ST3GAL3: variants seen among roughly 807,000 people sequenced by gnomAD.
The protein encoded by ST3GAL3 is CMP-N-acetylneuraminate-beta-1,4-galactoside alpha-2,3-sialyltransferase.
ST3GAL3 carries 21 observed loss-of-function variants against 50.1 expected under a neutral mutation model. The observed-to-expected ratio is 0.42, with a 90% CI of 0.30 to 0.60. ST3GAL3 has a LOEUF of 0.60. Among genes scored for constraint, ST3GAL3 ranks in the 20% least tolerant of loss-of-function variants. The pLI, the probability that ST3GAL3 is intolerant of heterozygous loss-of-function variation, is 0.19. For missense variants in ST3GAL3, 353 were observed against 489.4 expected, an observed-to-expected ratio of 0.72 and a Z score of 2.63; for synonymous variants, 183 against 190.0, an observed-to-expected ratio of 0.96 and a Z score of 0.30.
At chr1:43,764,545 GA>G (rs1395797056) in intron 2 of ST3GAL3, among the ~76,000 whole-genome samples, 1 of 152,162 alleles carries the variant, frequency 6.6e-6, no homozygotes, top group Non-Finnish European at 1.5e-5. Context: ...GGAAGGAAAA[GA>G]AAGGAAATGA....
chr1:43,909,104 A>G (rs1263347629), intron 9 of ST3GAL3, among the ~76,000 whole-genome samples: 1 of 152,184 alleles, frequency 6.6e-6, no homozygotes, highest in Non-Finnish European at 1.5e-5. Context: ...CTGTAAGCCC[A>G]TCACCTCCAG....
At chr1:43,890,497 G>A (rs1372878666) in intron 5 of ST3GAL3, among the ~76,000 whole-genome samples, 2 of 152,188 alleles carry the variant, frequency 1.3e-5, no homozygotes, top group Non-Finnish European at 2.9e-5. Flanking sequence ...AGGAGAGCTG[G>A]CTGAATCATT....
intron 3 of ST3GAL3, among the ~76,000 whole-genome samples, chr1:43,809,992 CAA>C (rs111982954): frequency 8.4e-4 from 66 of 78,406 alleles, no homozygotes; most frequent in Middle Eastern, 6.5e-3. Context: ...GACCCTGTCT[CAA>C]AAAAAAAAAA....
At chr1:43,812,336 A>G (rs991998227) in intron 3 of ST3GAL3, among the ~76,000 whole-genome samples, 1 of 152,198 alleles carries the variant, frequency 6.6e-6, no homozygotes, top group Non-Finnish European at 1.5e-5. Flanking sequence ...TCAGCAGGGC[A>G]CACACTCTCC....
At chr1:43,824,618 G>T (rs2062541226) in intron 4 of ST3GAL3, 3 of 1,307,888 alleles carry the variant, frequency 2.3e-6, no homozygotes, top group Non-Finnish European at 3.3e-6. Context: ...ATTTGGCTAG[G>T]TTCTTTGCTT....
chr1:43,791,552 A>C (rs1181244988), intron 2 of ST3GAL3, among the ~76,000 whole-genome samples: 1 of 152,124 alleles, frequency 6.6e-6, no homozygotes, highest in East Asian at 1.9e-4. Context: ...GTAGGTACTC[A>C]TGGCATGCAT....
intron 4 of ST3GAL3, among the ~76,000 whole-genome samples, chr1:43,826,239 C>G (rs1056535880): frequency 2.6e-5 from 4 of 152,124 alleles, no homozygotes; most frequent in African/African-American, 9.7e-5. Context: ...GCCTGGGCGA[C>G]AGAGTGAGAC....
At chr1:43,851,417 G>T (rs2067282666) in intron 5 of ST3GAL3, 2 of 1,611,352 alleles carry the variant, frequency 1.2e-6, no homozygotes, top group South Asian at 2.2e-5. Flanking sequence ...AGCACTGTGG[G>T]TCCAGCTTAT....
rs1558786290 is a variant in ST3GAL3 at position 43,899,427 on chromosome 1, G to C, written c.558-114G>C. On this transcript the variant is annotated intron_variant, in intron 8 of 11. Transcript: ENST00000347631. The surrounding 1 kb of genome is among the most constrained non-coding windows in gnomAD (Gnocchi z 5.4). ...AACAGACAACTAGCGGGGGCACCTG[G>C]GGAGAATAGGTCCAGGTGACCTGGA... is the stretch of plus-strand genomic sequence containing the variant. 1 of 1,573,458 alleles carries C rather than the reference G, an allele frequency of 6.4e-7. No individual in the cohort carries two copies. The highest frequency in any genetic ancestry group is 2.3e-5 in the East Asian group (1 of 43,626).
intron 2 of ST3GAL3, among the ~76,000 whole-genome samples, chr1:43,779,939 C>T (rs1043485723): frequency 6.6e-6 from 1 of 152,116 alleles, no homozygotes; most frequent in Non-Finnish European, 1.5e-5. Context: ...TCTTGAAGAA[C>T]TCTCTTTGGG....
intron 2 of ST3GAL3, among the ~76,000 whole-genome samples, chr1:43,778,648 T>C (rs1016911190): frequency 1.5e-4 from 21 of 141,266 alleles, no homozygotes; most frequent in African/African-American, 4.4e-4. Context: ...TTTTTTCTTT[T>C]TTTTTTTTTT....
chr1:43,857,590 T>C lies in ST3GAL3; in HGVS notation c.302+19279T>C, dbSNP rs563051894. On this transcript the variant is annotated intron_variant, in intron 5 of 11. Coordinates refer to ENST00000347631, the MANE Select transcript of ST3GAL3 (RefSeq NM_006279.5). ...TTCTTTCTTTCCTTCCTCCCTCCCT[T>C]CCTTCCTTCCTTCCTTCCTTCCTTC... Among the ~76,000 whole-genome samples the C allele has an allele frequency of 1.7e-4, 19 of 113,828 alleles. No individual in the cohort carries two copies. In the South Asian group the frequency reaches 2.7e-3, roughly 16 times the overall value. The allele number at this position is 113,828 out of a possible 152,430, so 74.7% of individuals were successfully genotyped here.
At chr1:43,895,264 G>A (rs1382589910) in intron 6 of ST3GAL3, among the ~76,000 whole-genome samples, 1 of 152,022 alleles carries the variant, frequency 6.6e-6, no homozygotes, top group Non-Finnish European at 1.5e-5. Context: ...CCTGTCCAAG[G>A]CTAACCTTTC....
chr1:43,853,779 G>A (rs1481064614), intron 5 of ST3GAL3, among the ~76,000 whole-genome samples: 2 of 152,228 alleles, frequency 1.3e-5, no homozygotes, highest in African/African-American at 4.8e-5. Flanking sequence ...TATGGTCCAA[G>A]CTGGCTGAGT....
chr1:43,858,026 T>C (rs1395613391), intron 5 of ST3GAL3: 3 of 735,730 alleles, frequency 4.1e-6, no homozygotes, highest in Non-Finnish European at 2.0e-6. Flanking sequence ...CACAGATGGT[T>C]TGAGAAGTGT....
intron 4 of ST3GAL3, chr1:43,824,828 C>G: frequency 8.1e-7 from 1 of 1,241,278 alleles, no homozygotes; most frequent in Non-Finnish European, 1.2e-6. Flanking sequence ...ATCCCACCCT[C>G]TAGAGATTTT....
At chr1:43,871,408 G>C (rs1389617549) in intron 5 of ST3GAL3, among the ~76,000 whole-genome samples, 1 of 152,010 alleles carries the variant, frequency 6.6e-6, no homozygotes, top group African/African-American at 2.4e-5. Flanking sequence ...CTGTGTTAAT[G>C]GAGTGTGAGG....
chr1:43,911,145 CTTT>C (rs66935435), intron 9 of ST3GAL3: 37 of 143,182 alleles, frequency 2.6e-4, no homozygotes, highest in Non-Finnish European at 2.9e-4. Context: ...GCACAGACTT[CTTT>C]TTTTTTTTTT....
In ST3GAL3 at chr1:43,930,979, G is replaced by C. The variant is rs372031094; in HGVS notation, c.*758G>C. On this transcript the variant is annotated 3_prime_UTR_variant, in exon 12 of 12. Transcript: ENST00000347631. ...CCTCCACAGCTGCAGCTGATCCATA[G>C]GACTACCGCAGGCCCGGACTCACCA... 1.2e-4 allele frequency: 19 copies of C among 155,384 alleles called. No homozygotes were observed. Among genetic ancestry groups the C allele is most frequent in the African/African-American group, 4.6e-4 (19 of 41,598 alleles). 9.6% of individuals were successfully genotyped at this position (155,384 alleles called of 1,614,324 possible).
Sources: allele counts gnomAD v4.1 joint callset (sites outside exome capture counted in the v4.1 genomes callset), GRCh38; gene constraint gnomAD v4.1.1; non-coding constraint Gnocchi (gnomAD v3.1); transcripts MANE v1.5; gene names NCBI Gene and HGNC (gene_info 2026-07-23, HGNC 2026-07-21).